Variants in TP63 observed in about 807,000 individuals in gnomAD.
The protein encoded by TP63 is tumor protein p63.
A neutral mutation model predicts 82.8 loss-of-function variants in TP63; 17 were observed. That is an observed-to-expected ratio of 0.21 (90% confidence interval 0.14 to 0.31). TP63 has a LOEUF of 0.31. TP63 is among the 10% of genes least tolerant of loss of function. The pLI is 1.00. For synonymous variants in TP63, 330 were observed against 321.7 expected (o/e 1.03, Z -0.28); for missense variants, 648 against 895.3 (o/e 0.72, Z 3.52).
At chr3:189,701,962 A>G (rs1360793791) in intron 1 of TP63, among the ~76,000 whole-genome samples, 1 of 152,200 alleles carries the variant, frequency 6.6e-6, no homozygotes, top group East Asian at 1.9e-4. Context: ...ACCTTAATAA[A>G]TTAAATAAAT....
chr3:189,626,485 C>T (rs565611677), upstream of TP63, among the ~76,000 whole-genome samples: 43 of 152,298 alleles, frequency 2.8e-4, no homozygotes, highest in African/African-American at 1.0e-3. Context: ...TCTCTGATCT[C>T]ATAGTCACAG....
chr3:189,889,278 C>T lies in TP63; in HGVS notation c.1508-62C>T. On this transcript the variant is annotated intron_variant, in intron 11 of 13. Transcript: ENST00000264731. ...TAAAATTTAACCAGACAAGATGGAC[C>T]ACTGGGATGCTGGTACATGATGATG... 3 of 1,612,666 alleles carry T rather than the reference C, an allele frequency of 1.9e-6. No homozygotes were observed. The South Asian group carries it at 3.3e-5, about 18-fold the overall frequency.
At chr3:189,749,826 A>G (rs973721421) in intron 3 of TP63, among the ~76,000 whole-genome samples, 11 of 152,214 alleles carry the variant, frequency 7.2e-5, no homozygotes, top group African/African-American at 2.2e-4. Context: ...CTATTCAGCT[A>G]TAAAAAAGGA....
At chr3:189,651,345 A>G (rs1712869836) in intron 1 of TP63, among the ~76,000 whole-genome samples, 1 of 146,546 alleles carries the variant, frequency 6.8e-6, no homozygotes, top group Non-Finnish European at 1.5e-5. Flanking sequence ...CAGGAGTTCA[A>G]GACCAGCCTG....
the TP63 span, among the ~76,000 whole-genome samples, chr3:189,615,489 T>C: frequency 6.6e-6 from 1 of 152,222 alleles, no homozygotes; most frequent in African/African-American, 2.4e-5. Context: ...TAATTTTGTG[T>C]GTTTGGTCTC....
intron 1 of TP63, among the ~76,000 whole-genome samples, chr3:189,691,282 T>C (rs917258599): frequency 7.5e-6 from 1 of 133,176 alleles, no homozygotes; most frequent in African/African-American, 2.9e-5. Context: ...GAGGTTACAG[T>C]GAGCTGAGAT....
the TP63 span, among the ~76,000 whole-genome samples, chr3:189,604,335 A>G: frequency 1.2e-4 from 18 of 152,176 alleles, no homozygotes; most frequent in African/African-American, 3.1e-4. Flanking sequence ...AATTCTACCT[A>G]CTATTTAGCT....
rs1721411911 is a variant in TP63 at position 189,895,663 on chromosome 3, T to C, written c.*1161T>C. On this transcript the variant is annotated 3_prime_UTR_variant, in exon 14 of 14. Coordinates refer to ENST00000264731, the MANE Select transcript of TP63 (RefSeq NM_003722.5). ...ATAAATTCAACTTTGTAAAAATCTT[T>C]TGAAGCATAGATAATATTGTTTGGT... 1 of 227,856 alleles carries C rather than the reference T, an allele frequency of 4.4e-6. No homozygotes were observed. The highest frequency in any genetic ancestry group is 2.2e-5 in the African/African-American group (1 of 45,106). 14.1% of individuals were successfully genotyped at this position (227,856 alleles called of 1,614,324 possible).
intron 4 of TP63, among the ~76,000 whole-genome samples, chr3:189,850,043 G>T (rs1182854333): frequency 6.6e-6 from 1 of 152,116 alleles, no homozygotes; most frequent in Admixed American, 6.6e-5. Flanking sequence ...ACTTTGACAG[G>T]CTGAGGTGGG....
At position 189,745,919 on chromosome 3, in the gene TP63, T is replaced by C. The variant is rs1246221295; in HGVS notation, c.324+7145T>C. Among the ~76,000 whole-genome samples, 6 of 151,806 alleles carry C rather than the reference T, an allele frequency of 4.0e-5. No homozygotes were observed. The East Asian group carries it at 9.7e-4, about 24-fold the overall frequency. On this transcript the variant is annotated intron_variant, in intron 3 of 13. Transcript: ENST00000264731. Reference sequence around the variant, plus strand: ...AAAAAAAATCAAAGCATACATAACATATAAGATACCTCAAAGGGACAAAAC... The same window carrying C: ...AAAAAAAATCAAAGCATACATAACACATAAGATACCTCAAAGGGACAAAAC...
chr3:189,864,106 CCAGTAGTAAA>C, intron 4 of TP63, 116 bp from the exon 5 acceptor site: 1 of 1,183,872 alleles, frequency 8.4e-7, no homozygotes, highest in South Asian at 1.2e-5. Context: ...TCTATAGTAG[CCAGTAGTAAA>C]CAGGCAGCAT....
chr3:189,746,960 C>A (rs900981142), intron 3 of TP63, among the ~76,000 whole-genome samples: 1 of 150,874 alleles, frequency 6.6e-6, no homozygotes. Context: ...ACTAGCTATA[C>A]TTCCGTCAGA....
chr3:189,881,072 C>T, intron 10 of TP63: 2 of 985,370 alleles, frequency 2.0e-6, no homozygotes, highest in Non-Finnish European at 2.4e-6. Flanking sequence ...GAAGCCCTCT[C>T]ACAAAATCTG....
chr3:189,698,337 A>T (rs1717546988), intron 1 of TP63, among the ~76,000 whole-genome samples: 1 of 152,072 alleles, frequency 6.6e-6, no homozygotes, highest in Admixed American at 6.6e-5. Flanking sequence ...TAATTTTTAA[A>T]AGTTTACATT....
intron 1 of TP63, among the ~76,000 whole-genome samples, chr3:189,688,440 A>T (rs1017868639): frequency 6.6e-6 from 1 of 152,140 alleles, no homozygotes; most frequent in African/African-American, 2.4e-5. Flanking sequence ...GCTGAAGAGG[A>T]TGCAGTTCAC....
At chr3:189,853,366 A>T (rs1032001047) in intron 4 of TP63, among the ~76,000 whole-genome samples, 1 of 152,118 alleles carries the variant, frequency 6.6e-6, no homozygotes, top group Non-Finnish European at 1.5e-5. Context: ...GCTCCCTATT[A>T]TCTCTGATCT....
At chr3:189,609,478 T>C in the TP63 span, among the ~76,000 whole-genome samples, 4 of 152,084 alleles carry the variant, frequency 2.6e-5, no homozygotes, top group East Asian at 7.7e-4. Context: ...GTTGTACATA[T>C]TATTTCATAA....
intron 4 of TP63, among the ~76,000 whole-genome samples, chr3:189,825,281 C>T (rs1206706820): frequency 1.3e-5 from 2 of 152,218 alleles, no homozygotes; most frequent in Non-Finnish European, 2.9e-5. Context: ...TATACATTCA[C>T]AGCGTGGTGG....
At chr3:189,738,356 T>A (rs1720747328) in intron 2 of TP63, among the ~76,000 whole-genome samples, 2 of 152,190 alleles carry the variant, frequency 1.3e-5, no homozygotes, top group Admixed American at 6.5e-5. Context: ...GAGTATAAAA[T>A]ACTCTATCAC....
Sources: allele counts gnomAD v4.1 joint callset (sites outside exome capture counted in the v4.1 genomes callset), GRCh38; gene constraint gnomAD v4.1.1; transcripts MANE v1.5; gene names NCBI Gene and HGNC (gene_info 2026-07-23, HGNC 2026-07-21).